The following MAP3K3 variants were observed in gnomAD, a reference collection of about 807,000 sequenced individuals.
The protein encoded by MAP3K3 is mitogen-activated protein kinase kinase kinase 3.
A neutral mutation model predicts 80.9 loss-of-function variants in MAP3K3; 12 were observed. The ratio of observed to expected loss-of-function variants is 0.15; its 90% CI spans 0.10 to 0.24. The LOEUF (loss-of-function observed/expected upper bound fraction) is 0.24. MAP3K3 is among the 10% of genes least tolerant of loss of function. The probability of loss-of-function intolerance (pLI) is 1.00; values close to 1 mark genes in which losing one functional copy is unlikely to be tolerated. For synonymous variants in MAP3K3, 272 were observed against 307.1 expected (o/e 0.89, Z 1.19); for missense variants, 596 against 834.7 (o/e 0.71, Z 3.52).
Position 63,693,988 on chromosome 17 carries a change from A to C in MAP3K3, c.*211A>C. 1 of 526,928 alleles carries C rather than the reference A, an allele frequency of 1.9e-6. No individual in the cohort carries two copies. The highest frequency in any genetic ancestry group is 2.6e-5 in the South Asian group (1 of 38,564). 32.6% of individuals were successfully genotyped at this position (526,928 alleles called of 1,614,324 possible). ...GGACTGGGAGCCCCCAGCCTGTCAG[A>C]TCCAGGAGCTCCAGTGTCCTGAGCT... On this transcript the variant is annotated 3_prime_UTR_variant, in exon 16 of 16. Coordinates refer to ENST00000361733, the MANE Select transcript of MAP3K3 (RefSeq NM_002401.5). The surrounding 1 kb of genome is among the most constrained non-coding windows in gnomAD (Gnocchi z 4.2).
chr17:63,625,615 TTAGAA>T (rs1425738439), intron 1 of MAP3K3, among the ~76,000 whole-genome samples: 3 of 152,188 alleles, frequency 2.0e-5, no homozygotes, highest in Non-Finnish European at 1.5e-5. Context: ...GAGCTCCCTG[TTAGAA>T]TAGTCTCAAT....
Position 63,667,090 on chromosome 17 carries a change from T to G in MAP3K3, c.502+30T>G. On this transcript the variant is annotated intron_variant, in intron 6 of 15. Transcript: ENST00000361733. ...GTATTTCAACCCTTTTTTCTCCCCCTCTATTTTATCTGCCCACATTTTAAA... is the reference window on the plus strand; with the variant it reads ...GTATTTCAACCCTTTTTTCTCCCCCGCTATTTTATCTGCCCACATTTTAAA... 1.9e-6 allele frequency: 3 copies of G among 1,552,150 alleles called. No homozygotes were observed. In the East Asian group the frequency reaches 6.9e-5, roughly 36 times the overall value.
chr17:63,689,048 G>A lies in MAP3K3; in HGVS notation c.871+167G>A. On this transcript the variant is annotated intron_variant, in intron 10 of 15. Transcript: ENST00000361733. This position sits in a 1 kb window ranked among gnomAD's most constrained non-coding sequence, Gnocchi z 4.3. ...GGAAAAAAACAAAAACAAAAACAGGGAAGATAGTATTTGTAGACCAGATGC... is the reference window on the plus strand; with the variant it reads ...GGAAAAAAACAAAAACAAAAACAGGAAAGATAGTATTTGTAGACCAGATGC... The A allele has an allele frequency of 1.6e-6, 1 of 612,954 alleles. No individual in the cohort carries two copies. Among genetic ancestry groups the A allele is most frequent in the Non-Finnish European group, 2.9e-6 (1 of 346,010 alleles). The allele number at this position is 612,954 out of a possible 1,614,324, so 38.0% of individuals were successfully genotyped here.
chr17:63,665,445 A>G (rs1217093115), intron 5 of MAP3K3, among the ~76,000 whole-genome samples: 3 of 152,080 alleles, frequency 2.0e-5, no homozygotes, highest in African/African-American at 4.8e-5. Flanking sequence ...GATTATAGGC[A>G]TGAGCCACTC....
At chr17:63,651,169 T>C (rs2034647844) in intron 3 of MAP3K3, among the ~76,000 whole-genome samples, 1 of 152,174 alleles carries the variant, frequency 6.6e-6, no homozygotes, top group South Asian at 2.1e-4. Context: ...TCTCATATAG[T>C]TCAACCTAAT....
At chr17:63,675,315 A>G (rs1368302376) in intron 6 of MAP3K3, among the ~76,000 whole-genome samples, 1 of 152,192 alleles carries the variant, frequency 6.6e-6, no homozygotes, top group African/African-American at 2.4e-5. Flanking sequence ...GAAGAGAGAA[A>G]AGAGTTTAGG....
chr17:63,646,596 A>T (rs1266582023), intron 3 of MAP3K3, among the ~76,000 whole-genome samples: 1 of 152,240 alleles, frequency 6.6e-6, no homozygotes, highest in African/African-American at 2.4e-5. Context: ...CTTTGAGGAC[A>T]TAGAAAGAGG....
rs2035549820 is a variant in MAP3K3 at position 63,689,967 on chromosome 17, AC to A, written c.1063+235del. ...CCATGTTTAAACTAGGGAAGAGCAC[AC>A]CCTTCATCCCTGCCATATTAAGATA... On this transcript the variant is annotated intron_variant, in intron 11 of 15. Transcript: ENST00000361733. The surrounding 1 kb of genome is among the most constrained non-coding windows in gnomAD (Gnocchi z 4.3). 1 of 579,844 alleles carries A rather than the reference AC, an allele frequency of 1.7e-6. No individual in the cohort carries two copies. The highest frequency in any genetic ancestry group is 1.9e-5 in the African/African-American group (1 of 53,454). 35.9% of individuals were successfully genotyped at this position (579,844 alleles called of 1,614,324 possible).
At chr17:63,669,787 C>T (rs955325150) in intron 6 of MAP3K3, among the ~76,000 whole-genome samples, 18 of 151,658 alleles carry the variant, frequency 1.2e-4, no homozygotes, top group South Asian at 2.1e-4. Flanking sequence ...CATCATACTA[C>T]GTTTTTGTTC....
chr17:63,688,334 A>G, intron 8 of MAP3K3, 193 bp from the exon 9 acceptor site: 1 of 613,338 alleles, frequency 1.6e-6, no homozygotes, highest in Non-Finnish European at 2.9e-6. Context: ...GGGTGCTGTC[A>G]AATTTGGGTC....
chr17:63,627,872 A>G lies in MAP3K3; in HGVS notation c.5-4809A>G, dbSNP rs141481711. On this transcript the variant is annotated intron_variant, in intron 1 of 15. Coordinates refer to ENST00000361733, the MANE Select transcript of MAP3K3 (RefSeq NM_002401.5). ...ATGTTGGACTTACAGGTGTGAGCCA[A>G]TGCGCCCGGCCTGTCACTCTTATTT... is the stretch of plus-strand genomic sequence containing the variant. 7.5e-4 allele frequency among the ~76,000 whole-genome samples: 112 copies of G among 149,768 alleles called. 2 individuals are homozygous for G. Among genetic ancestry groups the G allele is most frequent in the African/African-American group, 2.5e-3 (101 of 40,750 alleles).
Position 63,688,791 on chromosome 17 carries a change from C to G in MAP3K3, c.781C>G (p.Arg261Gly), listed in dbSNP as rs146112270. Residue 261 changes from arginine to glycine, a missense_variant and splice_region_variant, in exon 10 of 16, where the codon CGG (arginine) becomes GGG (glycine). This residue lies in a region of MAP3K3 where 364 missense variants were observed against 588.9 expected (regional missense o/e 0.62). Transcript: ENST00000361733. ...FPDNRQEYSD[R>G]ETQLYDKGVK... The stretch of plus-strand genomic sequence containing the variant: ...AGTGATTCCCCTGTCTTACTCAGAT[C>G]GGGAAACTCAGCTTTATGACAAAGG... The G allele has an allele frequency of 6.2e-7, 1 of 1,610,458 alleles. No individual in the cohort carries two copies. The highest frequency in any genetic ancestry group is 8.5e-7 in the Non-Finnish European group (1 of 1,176,674).
chr17:63,659,333 C>T (rs1598090161), intron 5 of MAP3K3, among the ~76,000 whole-genome samples: 1 of 152,154 alleles, frequency 6.6e-6, no homozygotes, highest in Non-Finnish European at 1.5e-5. Context: ...TTAAGAGTAA[C>T]AATGGTAATG....
At position 63,691,410 on chromosome 17, in the gene MAP3K3, T is replaced by C. The variant is rs138463132; in HGVS notation, c.1344+177T>C. On this transcript the variant is annotated intron_variant, in intron 13 of 15. Coordinates refer to ENST00000361733, the MANE Select transcript of MAP3K3 (RefSeq NM_002401.5). This position sits in a 1 kb window ranked among gnomAD's most constrained non-coding sequence, Gnocchi z 4.8. ...GGAGTCAGGAGGGCCCTGCCTCAGG[T>C]TGCAGTGGGAGTATGAGATGACAGC... Among the ~76,000 whole-genome samples, 86 of 152,200 alleles carry C rather than the reference T, an allele frequency of 5.7e-4. No homozygotes were observed. In the East Asian group the frequency reaches 0.015, roughly 26 times the overall value.
intron 4 of MAP3K3, among the ~76,000 whole-genome samples, chr17:63,653,849 C>T (rs969099094): frequency 3.3e-5 from 5 of 152,152 alleles, no homozygotes; most frequent in African/African-American, 4.8e-5. Context: ...CAACCAACAC[C>T]GCTATCTAAT....
chr17:63,683,835 T>C (rs2035391017), intron 7 of MAP3K3, among the ~76,000 whole-genome samples: 2 of 152,228 alleles, frequency 1.3e-5, no homozygotes, highest in Admixed American at 1.3e-4. Context: ...ATGATTCATG[T>C]TAATTTTTTG....
chr17:63,669,472 CT>C (rs535427198), intron 6 of MAP3K3, among the ~76,000 whole-genome samples: 106 of 145,610 alleles, frequency 7.3e-4, no homozygotes, highest in Non-Finnish European at 7.0e-4. Context: ...ATTATGTTGT[CT>C]TTTTTTTTTT....
intron 7 of MAP3K3, 53 bp downstream of exon 7, chr17:63,681,952 T>G: frequency 7.6e-7 from 1 of 1,319,272 alleles, no homozygotes; most frequent in Non-Finnish European, 9.8e-7. Context: ...CAGACCAAGC[T>G]CATAACAAGG....
intron 1 of MAP3K3, among the ~76,000 whole-genome samples, chr17:63,625,241 A>T (rs112707255): frequency 1.3e-5 from 2 of 152,204 alleles, no homozygotes; most frequent in Non-Finnish European, 2.9e-5. Context: ...GTTAGCCCCA[A>T]TGAATTTCTA....
Sources: allele counts gnomAD v4.1 joint callset (sites outside exome capture counted in the v4.1 genomes callset), GRCh38; gene constraint gnomAD v4.1.1; regional missense constraint gnomAD v4.1.1; non-coding constraint Gnocchi (gnomAD v3.1); transcripts MANE v1.5; gene names NCBI Gene and HGNC (gene_info 2026-07-23, HGNC 2026-07-21).